C9: variants seen among roughly 807,000 people sequenced by gnomAD.
The protein encoded by C9 is complement C9, also known as complement component C9.
In C9, 63 loss-of-function variants were observed where a neutral mutation model predicts 65.4. The observed-to-expected ratio is 0.96, with a 90% CI of 0.79 to 1.19. The LOEUF is 1.19. Among genes scored for constraint, C9 ranks in the 50% most tolerant of loss-of-function variants. C9 has a pLI of 0.00. For missense variants in C9, 744 were observed against 670.1 expected (o/e 1.11, Z -1.22); for synonymous variants, 229 against 227.9 (o/e 1.00, Z -0.04).
chr5:39,286,121 T>C (rs1443680367), intron 10 of C9, among the ~76,000 whole-genome samples: 2 of 152,078 alleles, frequency 1.3e-5, no homozygotes, highest in East Asian at 3.8e-4. Context: ...ATATTCATTA[T>C]CTATGAAACA....
intron 5 of C9, among the ~76,000 whole-genome samples, chr5:39,325,666 G>A (rs1753735538): frequency 6.6e-6 from 1 of 151,868 alleles, no homozygotes; most frequent in South Asian, 2.1e-4. Context: ...CAGCTACTCA[G>A]GAGGCTGAGG....
intron 5 of C9, among the ~76,000 whole-genome samples, chr5:39,318,436 G>T (rs549000722): frequency 6.6e-6 from 1 of 152,210 alleles, no homozygotes; most frequent in East Asian, 1.9e-4. Context: ...GTCTTGTGCT[G>T]GTTTTCAAGG....
intron 9 of C9, among the ~76,000 whole-genome samples, chr5:39,291,107 T>C (rs1456946625): frequency 1.3e-5 from 2 of 151,882 alleles, no homozygotes; most frequent in Admixed American, 6.6e-5. Context: ...GTGGAAATTA[T>C]GGAAAATAGA....
rs190098424 is a variant in C9 at position 39,316,543 on chromosome 5, C to T, written c.616-514G>A. 1.6e-4 allele frequency among the ~76,000 whole-genome samples: 25 copies of T among 152,120 alleles called. No individual in the cohort carries two copies. In the South Asian group the frequency reaches 1.7e-3, roughly 10 times the overall value. ...GCCCCAGTGAGTGTTTTTTCCCTAA[C>T]GTGTCCATGTGTTCTGATCATTCAG... On this transcript the variant is annotated intron_variant, in intron 5 of 10. Transcript: ENST00000263408.
chr5:39,327,811 G>A (rs1358871092), intron 5 of C9, among the ~76,000 whole-genome samples: 1 of 152,142 alleles, frequency 6.6e-6, no homozygotes, highest in Non-Finnish European at 1.5e-5. Context: ...AGCAATGTAG[G>A]AACTCTGGAA....
intron 5 of C9, among the ~76,000 whole-genome samples, chr5:39,324,590 A>T (rs1015983125): frequency 3.3e-5 from 5 of 152,196 alleles, no homozygotes; most frequent in African/African-American, 1.2e-4. Context: ...ACTATGCCAG[A>T]ATGGTAGTGG....
At chr5:39,347,069 T>C (rs1317800095) in intron 1 of C9, among the ~76,000 whole-genome samples, 3 of 152,192 alleles carry the variant, frequency 2.0e-5, no homozygotes, top group African/African-American at 7.2e-5. Flanking sequence ...AATATCATAC[T>C]GAATGGGCAA....
chr5:39,290,268 G>A (rs1306079981), intron 9 of C9, among the ~76,000 whole-genome samples: 3 of 151,770 alleles, frequency 2.0e-5, no homozygotes, highest in African/African-American at 7.3e-5. Flanking sequence ...TTCTTATAAT[G>A]GAGATATCAT....
At chr5:39,357,499 A>G (rs1466452142) in intron 1 of C9, among the ~76,000 whole-genome samples, 4 of 152,208 alleles carry the variant, frequency 2.6e-5, no homozygotes, top group Non-Finnish European at 5.9e-5. Context: ...TCTAGTGGCT[A>G]AGGTTGCAAG....
chr5:39,333,011 A>G (rs1045764846), intron 4 of C9, among the ~76,000 whole-genome samples: 1 of 152,212 alleles, frequency 6.6e-6, no homozygotes, highest in Admixed American at 6.5e-5. Flanking sequence ...TGACATATAG[A>G]TAAAATTGAC....
rs7719023 is a variant in C9 at position 39,324,948 on chromosome 5, C to T, written c.615+6728G>A. Among the ~76,000 whole-genome samples, 1,519 of 152,158 alleles carry T rather than the reference C, an allele frequency of 1.0e-2. 26 individuals are homozygous for T. Among genetic ancestry groups the T allele is most frequent in the African/African-American group, 0.035 (1,448 of 41,520 alleles). ...ATTATAAGGGTCAGTTGAAGTTATC[C>T]TGTTTAAGAATTTGTTCATATAATA... On this transcript the variant is annotated intron_variant, in intron 5 of 10. Coordinates refer to ENST00000263408, the MANE Select transcript of C9 (RefSeq NM_001737.5).
At chr5:39,345,560 AC>A (rs1350918426) in intron 1 of C9, among the ~76,000 whole-genome samples, 1 of 152,164 alleles carries the variant, frequency 6.6e-6, no homozygotes, top group Non-Finnish European at 1.5e-5. Context: ...TTAGACTCCC[AC>A]ACAATAATAA....
intron 1 of C9, among the ~76,000 whole-genome samples, chr5:39,346,157 A>G (rs1350548863): frequency 6.6e-6 from 1 of 152,230 alleles, no homozygotes; most frequent in East Asian, 1.9e-4. Flanking sequence ...AGAAGGCAAG[A>G]AATAACTAAG....
At chr5:39,341,347 C>A (rs768789386) in intron 3 of C9, 54 bp from the exon 4 acceptor site, 2 of 1,599,718 alleles carry the variant, frequency 1.3e-6, no homozygotes, top group African/African-American at 1.3e-5. Flanking sequence ...TTTTCTCTTT[C>A]TTTCTGAAGT....
At chr5:39,289,179 A>C (rs918329370) in intron 9 of C9, among the ~76,000 whole-genome samples, 4 of 151,838 alleles carry the variant, frequency 2.6e-5, no homozygotes, top group Non-Finnish European at 4.4e-5. Context: ...TAATAAAATA[A>C]TGATGCATAA....
chr5:39,329,163 A>G (rs1160238724), intron 5 of C9, among the ~76,000 whole-genome samples: 1 of 152,186 alleles, frequency 6.6e-6, no homozygotes, highest in Non-Finnish European at 1.5e-5. Flanking sequence ...AAACGCAATC[A>G]TCACTCCCCC....
intron 9 of C9, among the ~76,000 whole-genome samples, chr5:39,298,768 A>C: frequency 6.6e-6 from 1 of 151,888 alleles, no homozygotes; most frequent in East Asian, 1.9e-4. Flanking sequence ...TGATACCAAA[A>C]CCAAATAAAA....
intron 1 of C9, among the ~76,000 whole-genome samples, chr5:39,362,663 A>G (rs1014458723): frequency 6.6e-5 from 10 of 152,256 alleles, no homozygotes; most frequent in African/African-American, 2.4e-4. Context: ...CCAAAATGAC[A>G]CTGTTGGTAA....
chr5:39,340,887 T>C (rs560540617), intron 4 of C9, among the ~76,000 whole-genome samples: 107 of 152,338 alleles, frequency 7.0e-4, no homozygotes, highest in Non-Finnish European at 1.2e-3. Flanking sequence ...CTTGCTCCAC[T>C]GAGAGACAAT....
Sources: gnomAD v4.1 joint callset for allele counts (sites outside exome capture counted in the v4.1 genomes callset) on GRCh38, gnomAD v4.1.1 for gene constraint, MANE v1.5 for transcripts, NCBI Gene and HGNC (gene_info 2026-07-23, HGNC 2026-07-21) for gene names.